SOHLH1: variants seen among roughly 807,000 people sequenced by gnomAD.
The protein encoded by SOHLH1 is spermatogenesis- and oogenesis-specific basic helix-loop-helix-containing protein 1.
In SOHLH1, 23 loss-of-function variants were observed where a neutral mutation model predicts 36.2. The observed-to-expected ratio is 0.64, with a 90% CI of 0.46 to 0.90. SOHLH1 has a LOEUF of 0.90. SOHLH1 is among the 40% of genes least tolerant of loss of function. The pLI is 0.00. For missense variants in SOHLH1, 608 were observed against 517.0 expected (o/e 1.18, Z -1.71); for synonymous variants, 289 against 228.3 (o/e 1.27, Z -2.40).
Position 135,693,658 on chromosome 9 carries a change from C to G in SOHLH1, c.1103G>C (p.Cys368Ser). ...PLEPWGLDVDCAGLALKDEVE... is the reference protein window; with the variant it reads ...PLEPWGLDVDSAGLALKDEVE... ...CTCGTCCTTCAGGGCCAGGCCTGCA[C>G]AGTCCACATCCAGGCCCCACGGCTC... Residue 368 changes from cysteine (C) to serine (S), a missense_variant, in exon 8 of 8, where the codon TGT (cysteine) becomes TCT (serine). Transcript: ENST00000425225. 1.3e-6 allele frequency: 2 copies of G among 1,588,024 alleles called. No individual in the cohort carries two copies. Among genetic ancestry groups the G allele is most frequent in the Non-Finnish European group, 8.6e-7 (1 of 1,167,898 alleles).
At position 135,699,242 on chromosome 9, in the gene SOHLH1, T is replaced by C. The variant is rs1295268378; in HGVS notation, c.66-116A>G. The C allele has an allele frequency of 5.9e-6, 9 of 1,519,738 alleles. No homozygotes were observed. The East Asian group carries it at 7.4e-5, about 12-fold the overall frequency. 94.1% of individuals were successfully genotyped at this position (1,519,738 alleles called of 1,614,324 possible). ...GGGTGGAAGCCAAGACTGGGTCACG[T>C]AGGGACACGGCCCGGCCCTCTCTGC... On this transcript the variant is annotated intron_variant, in intron 1 of 7. Transcript: ENST00000425225.
chr9:135,700,118 C>G (rs1268280704), upstream of SOHLH1, among the ~76,000 whole-genome samples: 1 of 152,178 alleles, frequency 6.6e-6, no homozygotes, highest in Non-Finnish European at 1.5e-5. Flanking sequence ...TGAGCTCTGC[C>G]GGGCACCCTC....
chr9:135,697,753 TGG>T, intron 3 of SOHLH1, 126 bp from the exon 4 acceptor site: 1 of 1,166,804 alleles, frequency 8.6e-7, no homozygotes, highest in South Asian at 1.3e-5. Flanking sequence ...GCTTGGAACT[TGG>T]GGGCGAGAGT....
At chr9:135,696,950 G>T in intron 4 of SOHLH1, 145 bp from the exon 5 acceptor site, 2 of 923,894 alleles carry the variant, frequency 2.2e-6, no homozygotes, top group Non-Finnish European at 3.4e-6. Flanking sequence ...TCTGCCCAGG[G>T]GCCCTGGGCC....
chr9:135,699,537 G>A (rs1158427343), upstream of SOHLH1: 4 of 1,513,694 alleles, frequency 2.6e-6, no homozygotes, highest in Non-Finnish European at 3.6e-6. Context: ...CCTCACGTGT[G>A]CTCTGCCCAC....
At chr9:135,694,213 A>AT (rs1364748343) in intron 7 of SOHLH1, 174 bp downstream of exon 7, 16 of 1,459,486 alleles carry the variant, frequency 1.1e-5, no homozygotes, top group South Asian at 1.4e-5. Flanking sequence ...CATATCACCT[A>AT]TAACGCTCAA....
intron 2 of SOHLH1, 24 bp downstream of exon 2, chr9:135,698,970 AC>A: frequency 6.2e-7 from 1 of 1,610,636 alleles, no homozygotes; most frequent in East Asian, 2.2e-5. Context: ...CAGCGCCCTC[AC>A]CCCTGGGAGG....
At chr9:135,699,350 CT>C (rs1272806641) in intron 1 of SOHLH1, 52 bp downstream of exon 1, 5 of 1,574,748 alleles carry the variant, frequency 3.2e-6, no homozygotes, top group Non-Finnish European at 3.5e-6. Context: ...GGAAGAACCC[CT>C]GGGTACAGGC....
chr9:135,699,419 TA>T lies in SOHLH1; in HGVS notation c.48del (p.Thr17ProfsTer43). 1.2e-6 allele frequency: 2 copies of T among 1,612,106 alleles called. No individual in the cohort carries two copies. The highest frequency in any genetic ancestry group is 1.7e-6 in the Non-Finnish European group (2 of 1,179,740). ...SEPYPEVSRI[P>X]TVRGCNGSLS... ...ATTCCTCACTTGCATCCCCTGACGGTAGGGATTCTGGAGACCTCCGGGTAGG... is the reference window on the plus strand; with the variant it reads ...ATTCCTCACTTGCATCCCCTGACGGTGGGATTCTGGAGACCTCCGGGTAGG... On this transcript the variant is annotated frameshift_variant, in exon 1 of 8. Coordinates refer to ENST00000425225, the MANE Select transcript of SOHLH1 (RefSeq NM_001101677.2). LOFTEE classifies it high-confidence loss of function.
In SOHLH1 at chr9:135,698,473, C is replaced by T. The variant is rs771820319; in HGVS notation, c.201G>A (p.Lys67=). The T allele has an allele frequency of 6.2e-7, 1 of 1,613,164 alleles. No homozygotes were observed. Among genetic ancestry groups the T allele is most frequent in the Non-Finnish European group, 8.5e-7 (1 of 1,180,018 alleles). ...GACGCTCACAGCTCAACGACATCCG[C>T]TTCCTGGTTCCGGTCAAGAAACAAA... ...RNVISERERR[K]RMSLSCERLR... The change falls in exon 3 of 8, where the codon AAG becomes AAA. Residue 67 remains lysine, a synonymous_variant. Transcript: ENST00000425225.
At position 135,694,388 on chromosome 9, in the gene SOHLH1, C is replaced by T. The variant is rs750646230; in HGVS notation, c.945G>A (p.Pro315=). The change falls in exon 7 of 8, where the codon CCG becomes CCA. Residue 315 remains proline, a splice_region_variant and synonymous_variant. Transcript: ENST00000425225. ...CCCTGAACCCAGGGCCCCACTCACC[C>T]GGCCACGAGCTGGGACCAGCAGTCA... ...FLLTAGPSSW[P]GSLEGRGGSG... is the part of the protein sequence containing the mutation. The T allele has an allele frequency of 4.3e-6, 7 of 1,612,664 alleles. No homozygotes were observed. The highest frequency in any genetic ancestry group is 1.1e-5 in the South Asian group (1 of 91,048).
chr9:135,694,580 G>A (rs1012550355), intron 6 of SOHLH1, 123 bp from the exon 7 acceptor site: 1 of 1,363,544 alleles, frequency 7.3e-7, no homozygotes, highest in African/African-American at 1.4e-5. Context: ...CACCACTCCT[G>A]ACAGGCTCCA....
At position 135,696,626 on chromosome 9, in the gene SOHLH1, A is replaced by G; in HGVS notation, c.647T>C (p.Leu216Pro). Residue 216 changes from leucine (L) to proline (P), a missense_variant, in exon 5 of 8, where the codon CTG (leucine) becomes CCG (proline). Leu to Pro is a moderately conservative substitution (Grantham distance 98). Coordinates refer to ENST00000425225, the MANE Select transcript of SOHLH1 (RefSeq NM_001101677.2). ...LLGLCQVRGG[L>P]PPFSEPSSLV... The stretch of plus-strand genomic sequence containing the variant: ...CCAGGACTCACCTGAGAAAGGGGGC[A>G]GCCCACCCCGCACCTGGCACAGCCC... 1 of 1,612,458 alleles carries G rather than the reference A, an allele frequency of 6.2e-7. No homozygotes were observed.
chr9:135,696,619 A>AG lies in SOHLH1; in HGVS notation c.653dup (p.Ser220LeufsTer17). 1 of 1,612,342 alleles carries AG rather than the reference A, an allele frequency of 6.2e-7. No homozygotes were observed. On this transcript the variant is annotated frameshift_variant, in exon 5 of 8. Transcript: ENST00000425225. LOFTEE classifies it high-confidence loss of function. ...TGCACACCCAGGACTCACCTGAGAA[A>AG]GGGGGCAGCCCACCCCGCACCTGGC...
chr9:135,693,881 G>C, intron 7 of SOHLH1, 67 bp from the exon 8 acceptor site: 1 of 1,505,600 alleles, frequency 6.6e-7, no homozygotes, highest in South Asian at 1.3e-5. Context: ...AGACAGGTGG[G>C]GTCGGAGGAA....
upstream of SOHLH1, chr9:135,699,675 G>A: frequency 3.1e-6 from 2 of 645,446 alleles, no homozygotes. Context: ...CAAAGAAGGT[G>A]CTGGAAAGGG....
At chr9:135,698,972 C>T (rs909888722) in intron 2 of SOHLH1, 23 bp downstream of exon 2, 3 of 1,611,126 alleles carry the variant, frequency 1.9e-6, no homozygotes, top group Non-Finnish European at 1.7e-6. Flanking sequence ...GCGCCCTCAC[C>T]CCTGGGAGGC....
upstream of SOHLH1, chr9:135,699,608 A>G: frequency 1.2e-6 from 1 of 860,066 alleles, no homozygotes; most frequent in Non-Finnish European, 1.8e-6. Context: ...CCCATAGCGC[A>G]TGCGCTCTAG....
intron 2 of SOHLH1, 137 bp downstream of exon 2, chr9:135,698,858 T>C (rs1834914823): frequency 5.7e-6 from 7 of 1,226,008 alleles, no homozygotes; most frequent in Non-Finnish European, 7.1e-6. Context: ...TACTTGGAGA[T>C]GTGCAGTCTG....
Sources: gnomAD v4.1 joint callset for allele counts (sites outside exome capture counted in the v4.1 genomes callset) on GRCh38, gnomAD v4.1.1 for gene constraint, MANE v1.5 for transcripts, NCBI Gene and HGNC (gene_info 2026-07-23, HGNC 2026-07-21) for gene names.